The following TULP4 variants were observed in gnomAD, a reference collection of about 807,000 sequenced individuals.
TULP4 encodes tubby-related protein 4.
Under a neutral mutation model 129.0 loss-of-function variants are expected in TULP4, and 16 were observed. That is an observed-to-expected ratio of 0.12 (90% confidence interval 0.08 to 0.19). TULP4 has a LOEUF of 0.19. TULP4 is among the 10% of genes least tolerant of loss of function. The probability of loss-of-function intolerance (pLI) is 1.00; values close to 1 mark genes in which losing one functional copy is unlikely to be tolerated. For missense variants in TULP4, 1,842 were observed against 2,059.1 expected, an observed-to-expected ratio of 0.89 and a Z score of 2.04; for synonymous variants, 998 against 854.0, an observed-to-expected ratio of 1.17 and a Z score of -2.94.
chr6:158,483,408 C>T (rs1371346219), intron 8 of TULP4, among the ~76,000 whole-genome samples: 1 of 152,150 alleles, frequency 6.6e-6, no homozygotes, highest in Non-Finnish European at 1.5e-5. Flanking sequence ...TTACAGCTCA[C>T]TACAGCCTTG....
At chr6:158,365,875 CTT>C (rs765731288) in intron 1 of TULP4, among the ~76,000 whole-genome samples, 3 of 71,146 alleles carry the variant, frequency 4.2e-5, no homozygotes, top group Admixed American at 1.3e-4. Flanking sequence ...GTTCGTTTTT[CTT>C]TTTTTTTTTT....
chr6:158,432,688 C>G (rs1350387114), intron 3 of TULP4, among the ~76,000 whole-genome samples: 1 of 152,192 alleles, frequency 6.6e-6, no homozygotes, highest in Non-Finnish European at 1.5e-5. Flanking sequence ...TGGTGAAACC[C>G]CGTCTGTACT....
chr6:158,294,951 T>A (rs1181298362), intron 1 of TULP4, among the ~76,000 whole-genome samples: 1 of 152,200 alleles, frequency 6.6e-6, no homozygotes, highest in Non-Finnish European at 1.5e-5. Flanking sequence ...GCTCAAGTGA[T>A]CTGCCTGTCT....
chr6:158,272,511 A>G (rs1473942304), intron 1 of TULP4, among the ~76,000 whole-genome samples: 3 of 152,224 alleles, frequency 2.0e-5, no homozygotes, highest in Admixed American at 6.5e-5. Flanking sequence ...CAGAGGAGAC[A>G]GAAAGAATCA....
intron 6 of TULP4, among the ~76,000 whole-genome samples, chr6:158,473,926 T>TC (rs1779752289): frequency 6.6e-6 from 1 of 152,160 alleles, no homozygotes; most frequent in African/African-American, 2.4e-5. Flanking sequence ...CAAACGATCC[T>TC]CCTGCCTCAG....
At chr6:158,283,922 C>T (rs1367099895) in intron 1 of TULP4, among the ~76,000 whole-genome samples, 1 of 152,114 alleles carries the variant, frequency 6.6e-6, no homozygotes, top group Non-Finnish European at 1.5e-5. Context: ...GCCCATTTAA[C>T]CTCAGGGAAT....
At chr6:158,274,122 G>T (rs957019264) in intron 1 of TULP4, among the ~76,000 whole-genome samples, 3 of 152,076 alleles carry the variant, frequency 2.0e-5, no homozygotes, top group Non-Finnish European at 2.9e-5. Context: ...GCTGGGCATG[G>T]TGGCGGGCAC....
In TULP4 at chr6:158,506,610, G is replaced by T. The variant is rs554131023; in HGVS notation, c.4548G>T (p.Ala1516=). The T allele has an allele frequency of 6.2e-7, 1 of 1,613,672 alleles. No individual in the cohort carries two copies. The highest frequency in any genetic ancestry group is 2.2e-5 in the East Asian group (1 of 44,880). The change falls in exon 14 of 14, where the codon GCG becomes GCT. Residue 1516 remains alanine (A), a synonymous_variant. Coordinates refer to ENST00000367097, the MANE Select transcript of TULP4 (RefSeq NM_020245.5). ...AGTTTGGACGGATTGATGGCAGTGCGTACATTCTAGACTTCCAGTATCCGT... is the reference window on the plus strand; with the variant it reads ...AGTTTGGACGGATTGATGGCAGTGCTTACATTCTAGACTTCCAGTATCCGT... The part of the protein sequence containing the change: ...VMQFGRIDGS[A]YILDFQYPFS...
At chr6:158,446,980 A>G (rs1779061820) in intron 3 of TULP4, among the ~76,000 whole-genome samples, 1 of 152,152 alleles carries the variant, frequency 6.6e-6, no homozygotes, top group Non-Finnish European at 1.5e-5. Flanking sequence ...GGAGGCGGGG[A>G]GCTCATAAAC....
chr6:158,307,869 T>C (rs1022156742), upstream of TULP4, among the ~76,000 whole-genome samples: 1 of 151,982 alleles, frequency 6.6e-6, no homozygotes, highest in African/African-American at 2.4e-5. Context: ...AAATATGGGA[T>C]AAAAAATAAA....
chr6:158,485,706 G>A (rs1227952847), intron 8 of TULP4, among the ~76,000 whole-genome samples: 1 of 152,248 alleles, frequency 6.6e-6, no homozygotes, highest in Non-Finnish European at 1.5e-5. Flanking sequence ...GGGTGATGCT[G>A]ACACCCCAGT....
intron 1 of TULP4, among the ~76,000 whole-genome samples, chr6:158,237,036 C>G (rs645715): frequency 0.061 from 9,330 of 151,760 alleles, 337 homozygotes; most frequent in Middle Eastern, 0.092. Flanking sequence ...GTCTCAAACT[C>G]CAGACCTTGT....
intron 1 of TULP4, among the ~76,000 whole-genome samples, chr6:158,264,540 C>T (rs1778415208): frequency 6.6e-6 from 1 of 152,040 alleles, no homozygotes; most frequent in Non-Finnish European, 1.5e-5. Context: ...TGGGGGAAGG[C>T]TTGGTGGGCA....
At chr6:158,322,969 C>T (rs1012536224) in intron 1 of TULP4, among the ~76,000 whole-genome samples, 3 of 152,038 alleles carry the variant, frequency 2.0e-5, no homozygotes, top group African/African-American at 7.3e-5. Flanking sequence ...GGATTTAGCA[C>T]GTTTAGCGCG....
At chr6:158,497,584 C>T (rs1780360241) in intron 11 of TULP4, among the ~76,000 whole-genome samples, 1 of 152,088 alleles carries the variant, frequency 6.6e-6, no homozygotes, top group Non-Finnish European at 1.5e-5. Flanking sequence ...TTAAAAATTG[C>T]TTTGTCAATG....
chr6:158,284,704 C>A (rs1000228617), intron 1 of TULP4, among the ~76,000 whole-genome samples: 1 of 152,192 alleles, frequency 6.6e-6, no homozygotes, highest in East Asian at 1.9e-4. Flanking sequence ...GGCCTGCAGC[C>A]CTGCCCACTT....
At position 158,460,341 on chromosome 6, in the gene TULP4, G is replaced by A. The variant is rs115446996; in HGVS notation, c.860-1222G>A. On this transcript the variant is annotated intron_variant, in intron 5 of 13. Coordinates refer to ENST00000367097, the MANE Select transcript of TULP4 (RefSeq NM_020245.5). ...CATCTCTGAAATATGTGCCCATCAG[G>A]GCAGAGCATTTTCTTTTAAGTTCCG... Among the ~76,000 whole-genome samples, 498 of 152,274 alleles carry A rather than the reference G, an allele frequency of 3.3e-3. 1 individual carries two copies. Among genetic ancestry groups the A allele is most frequent in the African/African-American group, 0.012 (480 of 41,544 alleles).
chr6:158,467,154 C>G (rs1332097432), intron 6 of TULP4, among the ~76,000 whole-genome samples: 1 of 152,164 alleles, frequency 6.6e-6, no homozygotes, highest in African/African-American at 2.4e-5. Flanking sequence ...TCCACTGAAT[C>G]CCAGTGGGTA....
At chr6:158,343,918 A>C (rs1780243969) in intron 1 of TULP4, among the ~76,000 whole-genome samples, 2 of 152,356 alleles carry the variant, frequency 1.3e-5, no homozygotes, top group South Asian at 4.1e-4. Flanking sequence ...AAGCCATCAT[A>C]TCCCCTGTGA....
Sources: gnomAD v4.1 joint callset for allele counts (sites outside exome capture counted in the v4.1 genomes callset) on GRCh38, gnomAD v4.1.1 for gene constraint, MANE v1.5 for transcripts, NCBI Gene and HGNC (gene_info 2026-07-23, HGNC 2026-07-21) for gene names.